SUPT3H: variants seen among roughly 807,000 people sequenced by gnomAD.
The protein encoded by SUPT3H is transcription initiation protein SPT3 homolog.
SUPT3H carries 44 observed loss-of-function variants against 44.3 expected under a neutral mutation model. The ratio of observed to expected loss-of-function variants is 0.99; its 90% CI spans 0.78 to 1.28. The LOEUF (loss-of-function observed/expected upper bound fraction) is 1.28, where lower values mean the gene tolerates loss of function less well. Ranked by LOEUF, SUPT3H falls within the 50% of genes most tolerant of loss-of-function variation. The pLI is 0.00. For missense variants in SUPT3H, 380 were observed against 387.1 expected (o/e 0.98, Z 0.15); for synonymous variants, 124 against 125.6 (o/e 0.99, Z 0.09).
In SUPT3H at chr6:44,827,657, G is replaced by A. The variant is rs1177873674; in HGVS notation, c.*2159C>T. Among the ~76,000 whole-genome samples, 2 of 151,974 alleles carry A rather than the reference G, an allele frequency of 1.3e-5. No homozygotes were observed. Among genetic ancestry groups the A allele is most frequent in the Non-Finnish European group, 2.9e-5 (2 of 67,954 alleles). On this transcript the variant is annotated 3_prime_UTR_variant, in exon 11 of 11. Coordinates refer to ENST00000371459, the MANE Select transcript of SUPT3H (RefSeq NM_003599.4). ...TTTTGTTTCTATAGTCACTGCTGAAGGAAGTTTTATTTCACTTCAAATTTA... is the reference window on the plus strand; with the variant it reads ...TTTTGTTTCTATAGTCACTGCTGAAAGAAGTTTTATTTCACTTCAAATTTA...
At chr6:44,991,968 T>G (rs1283660369) in intron 6 of SUPT3H, among the ~76,000 whole-genome samples, 2 of 152,142 alleles carry the variant, frequency 1.3e-5, no homozygotes, top group Non-Finnish European at 2.9e-5. Context: ...GCCCACCTAC[T>G]GTGGGGAATG....
At chr6:45,327,858 G>A (rs1188746562) in intron 2 of SUPT3H, among the ~76,000 whole-genome samples, 1 of 151,922 alleles carries the variant, frequency 6.6e-6, no homozygotes, top group Admixed American at 6.6e-5. Context: ...GTCCAAAGAT[G>A]TGAATTATTG....
At chr6:45,059,018 G>T (rs1265308261) in intron 3 of SUPT3H, among the ~76,000 whole-genome samples, 1 of 152,084 alleles carries the variant, frequency 6.6e-6, no homozygotes, top group Non-Finnish European at 1.5e-5. Flanking sequence ...ATAGGTGTAA[G>T]ATAGGAAGCA....
At chr6:44,991,229 A>G (rs1490459091) in intron 6 of SUPT3H, among the ~76,000 whole-genome samples, 1 of 152,174 alleles carries the variant, frequency 6.6e-6, no homozygotes, top group African/African-American at 2.4e-5. Context: ...TTTCATGGCT[A>G]TTAATTGTGA....
intron 2 of SUPT3H, among the ~76,000 whole-genome samples, chr6:45,324,925 GCA>G (rs1282197770): frequency 6.6e-6 from 1 of 151,686 alleles, no homozygotes; most frequent in Non-Finnish European, 1.5e-5. Context: ...ATGGAATACT[GCA>G]CAGTCACCAT....
At chr6:44,933,885 T>C (rs1279992575) in intron 9 of SUPT3H, among the ~76,000 whole-genome samples, 1 of 152,202 alleles carries the variant, frequency 6.6e-6, no homozygotes, top group Non-Finnish European at 1.5e-5. Flanking sequence ...TGGGCTGAAG[T>C]GATCCTCCTG....
intron 2 of SUPT3H, among the ~76,000 whole-genome samples, chr6:45,252,389 AT>A (rs1247986385): frequency 3.3e-5 from 5 of 152,196 alleles, no homozygotes; most frequent in Non-Finnish European, 7.4e-5. Context: ...AACCAATATT[AT>A]TTCTATTAAT....
intron 2 of SUPT3H, among the ~76,000 whole-genome samples, chr6:45,128,285 T>A (rs1444212702): frequency 2.0e-5 from 3 of 151,494 alleles, no homozygotes; most frequent in Non-Finnish European, 4.4e-5. Context: ...GGCAGGCAGA[T>A]CACGAGGTCA....
chr6:45,266,073 T>C (rs1775211244), intron 2 of SUPT3H, among the ~76,000 whole-genome samples: 1 of 152,022 alleles, frequency 6.6e-6, no homozygotes. Context: ...AAAAGTAACA[T>C]TTGAGAAAAA....
chr6:45,012,408 TTC>T (rs1783621427), intron 5 of SUPT3H, among the ~76,000 whole-genome samples: 1 of 152,020 alleles, frequency 6.6e-6, no homozygotes, highest in Admixed American at 6.6e-5. Flanking sequence ...CAAGTTCAGA[TTC>T]TTTCTTCTGC....
chr6:45,147,415 T>TA (rs1420618361), intron 2 of SUPT3H, among the ~76,000 whole-genome samples: 1 of 152,070 alleles, frequency 6.6e-6, no homozygotes, highest in Non-Finnish European at 1.5e-5. Context: ...TCCCTAATAC[T>TA]AACTGGACAA....
At chr6:44,822,199 A>G (rs1767374428), downstream of SUPT3H, among the ~76,000 whole-genome samples, 1 of 152,146 alleles carries the variant, frequency 6.6e-6, no homozygotes, top group South Asian at 2.1e-4. Flanking sequence ...TGCAGACTAC[A>G]TGTTGATTGC....
In SUPT3H at chr6:45,045,110, A is replaced by C. The variant is rs190553830; in HGVS notation, c.187-24478T>G. Reference sequence around the variant, plus strand: ...AAGAATGGCATCTGAAAAAATACTTAAGAAATGTCACAAGTAAATTATTAA... The same window carrying C: ...AAGAATGGCATCTGAAAAAATACTTCAGAAATGTCACAAGTAAATTATTAA... On this transcript the variant is annotated intron_variant, in intron 3 of 10. Coordinates refer to ENST00000371459, the MANE Select transcript of SUPT3H (RefSeq NM_003599.4). Among the ~76,000 whole-genome samples, 33 of 152,296 alleles carry C rather than the reference A, an allele frequency of 2.2e-4. No homozygotes were observed. The East Asian group carries it at 3.5e-3, about 16-fold the overall frequency.
chr6:45,178,991 T>G (rs1812576369), intron 2 of SUPT3H, among the ~76,000 whole-genome samples: 1 of 151,430 alleles, frequency 6.6e-6, no homozygotes. Context: ...CACCCTAACA[T>G]CACAATTAAA....
At chr6:45,225,978 G>A (rs1766867622) in intron 2 of SUPT3H, among the ~76,000 whole-genome samples, 1 of 151,966 alleles carries the variant, frequency 6.6e-6, no homozygotes, top group Non-Finnish European at 1.5e-5. Flanking sequence ...ATTTGTTAAG[G>A]AGAAAAAAAA....
chr6:45,283,156 G>A (rs1334703790), intron 2 of SUPT3H, among the ~76,000 whole-genome samples: 1 of 152,086 alleles, frequency 6.6e-6, no homozygotes, highest in Non-Finnish European at 1.5e-5. Context: ...GACCATCGAG[G>A]CTAGGAAAAA....
intron 10 of SUPT3H, among the ~76,000 whole-genome samples, chr6:44,869,867 G>A (rs1776083041): frequency 6.6e-6 from 1 of 152,194 alleles, no homozygotes; most frequent in Non-Finnish European, 1.5e-5. Context: ...GACAATGTGA[G>A]GCTCTCTGTA....
At chr6:45,354,664 T>C (rs1792785358) in intron 2 of SUPT3H, among the ~76,000 whole-genome samples, 1 of 151,810 alleles carries the variant, frequency 6.6e-6, no homozygotes, top group South Asian at 2.1e-4. Context: ...GTCTCCTATA[T>C]GTTGCTATGC....
intron 8 of SUPT3H, among the ~76,000 whole-genome samples, chr6:44,953,721 CTTATTTTATT>C (rs569662937): frequency 6.6e-6 from 1 of 151,922 alleles, no homozygotes; most frequent in Non-Finnish European, 1.5e-5. Flanking sequence ...TAGGAATTTG[CTTATTTTATT>C]TTATTTTATT....
Sources: gnomAD v4.1 joint callset for allele counts (sites outside exome capture counted in the v4.1 genomes callset) on GRCh38, gnomAD v4.1.1 for gene constraint, MANE v1.5 for transcripts, NCBI Gene and HGNC (gene_info 2026-07-23, HGNC 2026-07-21) for gene names.